Variants in DNLZ observed in about 807,000 individuals in gnomAD.
The protein encoded by DNLZ is DNL-type zinc finger.
A neutral mutation model predicts 7.8 loss-of-function variants in DNLZ; 15 were observed. The ratio of observed to expected loss-of-function variants is 1.91; its 90% CI spans 1.28 to 2.95. The LOEUF (loss-of-function observed/expected upper bound fraction) is 2.95, where lower values mean the gene tolerates loss of function less well. Ranked by LOEUF, DNLZ falls within the 30% of genes most tolerant of loss-of-function variation. DNLZ has a pLI of 0.00. For missense variants in DNLZ, 255 were observed against 167.3 expected (o/e 1.52, Z -2.89); for synonymous variants, 123 against 77.8 (o/e 1.58, Z -3.05).
chr9:136,362,697 G>T (rs1335644033), intron 2 of DNLZ, among the ~76,000 whole-genome samples: 1 of 152,242 alleles, frequency 6.6e-6, no homozygotes, highest in Non-Finnish European at 1.5e-5. Flanking sequence ...CCACGCTAGA[G>T]AGGGACAAGG....
At position 136,360,712 on chromosome 9, in the gene DNLZ, G is replaced by C. The variant is rs1325910988; in HGVS notation, c.*1300C>G. On this transcript the variant is annotated 3_prime_UTR_variant, in exon 3 of 3. Coordinates refer to ENST00000371738, the MANE Select transcript of DNLZ (RefSeq NM_001080849.3). ...CCTGGGCCCAGAGGTGCTGGCATCA[G>C]ACAGAAAAGACATGGTAACGTCCAC... 6.6e-6 allele frequency: 1 copy of C among 152,168 alleles called. No individual in the cohort carries two copies. The highest frequency in any genetic ancestry group is 1.9e-4 in the East Asian group (1 of 5,188). 9.4% of individuals were successfully genotyped at this position (152,168 alleles called of 1,614,324 possible).
At chr9:136,362,695 G>C (rs10870201) in intron 2 of DNLZ, among the ~76,000 whole-genome samples, 64,190 of 152,158 alleles carry the variant, frequency 0.42, 14,072 homozygotes, top group Admixed American at 0.5. Flanking sequence ...TTCCACGCTA[G>C]AGAGGGACAA....
rs1832991117 is a variant in DNLZ at position 136,362,140 on chromosome 9, G to A, written c.409C>T (p.His137Tyr). 7.3e-6 allele frequency: 11 copies of A among 1,504,422 alleles called. No individual in the cohort carries two copies. The highest frequency in any genetic ancestry group is 9.7e-6 in the Non-Finnish European group (11 of 1,130,886). 93.2% of individuals were successfully genotyped at this position (1,504,422 alleles called of 1,614,324 possible). ...AGGGCCCCCTCGCCCGCCACACGGT[G>A]CACCTGCTCGCCTCTGGCCGTCAGG... ...EILTARGEQV[H>Y]RVAGEGALEL... Residue 137 changes from histidine (H) to tyrosine (Y), a missense_variant, in exon 3 of 3, where the codon CAC becomes TAC. Physicochemically the swap from His to Tyr is moderately conservative, Grantham distance 83. Transcript: ENST00000371738.
In DNLZ at chr9:136,363,480, C is replaced by T; in HGVS notation, c.228+7G>A. 1 of 761,790 alleles carries T rather than the reference C, an allele frequency of 1.3e-6. No homozygotes were observed. Among genetic ancestry groups the T allele is most frequent in the South Asian group, 1.3e-5 (1 of 74,392 alleles). The allele number at this position is 761,790 out of a possible 1,614,324, so 47.2% of individuals were successfully genotyped here. A position where few individuals can be genotyped will look rare whatever the true frequency, so the allele number is the denominator to read the frequency against. ...CTGTCCCCGGTTCCGTCCCGCCGCG[C>T]GCCTACCTTGCAGGTGTAGACGAGC... On this transcript the variant is annotated splice_region_variant and intron_variant, in intron 1 of 2. Transcript: ENST00000371738.
At position 136,361,818 on chromosome 9, in the gene DNLZ, G is replaced by A; in HGVS notation, c.*194C>T. 1 of 420,038 alleles carries A rather than the reference G, an allele frequency of 2.4e-6. No homozygotes were observed. The highest frequency in any genetic ancestry group is 4.1e-6 in the Non-Finnish European group (1 of 246,238). 26.0% of individuals were successfully genotyped at this position (420,038 alleles called of 1,614,324 possible). On this transcript the variant is annotated 3_prime_UTR_variant, in exon 3 of 3. Coordinates refer to ENST00000371738, the MANE Select transcript of DNLZ (RefSeq NM_001080849.3). ...AGGCGAGAGGTCCTGCGGCTCCTAT[G>A]TCCCACCCAGCAGCACCAGGGATTC... is the stretch of plus-strand genomic sequence containing the variant.
Position 136,361,851 on chromosome 9 carries a change from T to A in DNLZ, c.*161A>T, listed in dbSNP as rs1244106614. The stretch of plus-strand genomic sequence containing the variant: ...CAGCAGCACCAGGGATTCAGAGCAA[T>A]CGTTCTAACTCCAGAAAAAGAAAGG... On this transcript the variant is annotated 3_prime_UTR_variant, in exon 3 of 3. Transcript: ENST00000371738. The A allele has an allele frequency of 4.1e-6, 2 of 488,000 alleles. No individual in the cohort carries two copies. Among genetic ancestry groups the A allele is most frequent in the Non-Finnish European group, 6.5e-6 (2 of 307,866 alleles). The allele number at this position is 488,000 out of a possible 1,614,324, so 30.2% of individuals were successfully genotyped here. A position where few individuals can be genotyped will look rare whatever the true frequency, so the allele number is the denominator to read the frequency against.
intron 1 of DNLZ, 62 bp downstream of exon 1, chr9:136,363,425 C>G (rs1833022135): frequency 3.9e-6 from 3 of 760,946 alleles, no homozygotes; most frequent in Admixed American, 3.4e-5. Context: ...GCCGCTTCTC[C>G]CCGCAGGCCG....
At position 136,361,958 on chromosome 9, in the gene DNLZ, G is replaced by A. The variant is rs1296726522; in HGVS notation, c.*54C>T. The A allele has an allele frequency of 6.5e-6, 8 of 1,239,720 alleles. No individual in the cohort carries two copies. Among genetic ancestry groups the A allele is most frequent in the Non-Finnish European group, 8.2e-6 (8 of 980,648 alleles). 76.8% of individuals were successfully genotyped at this position (1,239,720 alleles called of 1,614,324 possible). On this transcript the variant is annotated 3_prime_UTR_variant, in exon 3 of 3. Coordinates refer to ENST00000371738, the MANE Select transcript of DNLZ (RefSeq NM_001080849.3). ...CAGGCCACGTCCAGAGAGGCCCAGG[G>A]CCAAAACCTCCTTCTGGAAGGCCGA...
Position 136,362,018 on chromosome 9 carries a change from C to A in DNLZ, c.531G>T (p.Pro177=). 7.6e-7 allele frequency: 1 copy of A among 1,317,614 alleles called. No homozygotes were observed. Among genetic ancestry groups the A allele is most frequent in the Non-Finnish European group, 9.8e-7 (1 of 1,024,220 alleles). 81.6% of individuals were successfully genotyped at this position (1,317,614 alleles called of 1,614,324 possible). A position where few individuals can be genotyped will look rare whatever the true frequency, so the allele number is the denominator to read the frequency against. ...GTGCCGGGGAGCGCAGGAGTCAGCT[C>A]GGCTCCGTCTTGCCAGGGCTGGGGG... The part of the protein sequence containing the change: ...EGPPSPGKTE[P]S The change falls in exon 3 of 3, where the codon CCG becomes CCT. Residue 177 remains proline (P), a synonymous_variant. Coordinates refer to ENST00000371738, the MANE Select transcript of DNLZ (RefSeq NM_001080849.3).
Position 136,362,008 on chromosome 9 carries a change from G to A in DNLZ, c.*4C>T. 2 of 1,304,408 alleles carry A rather than the reference G, an allele frequency of 1.5e-6. No homozygotes were observed. The highest frequency in any genetic ancestry group is 9.8e-7 in the Non-Finnish European group (1 of 1,017,478). The allele number at this position is 1,304,408 out of a possible 1,614,324, so 80.8% of individuals were successfully genotyped here. ...AAGTCCCACAGTGCCGGGGAGCGCA[G>A]GAGTCAGCTCGGCTCCGTCTTGCCA... On this transcript the variant is annotated 3_prime_UTR_variant, in exon 3 of 3. Coordinates refer to ENST00000371738, the MANE Select transcript of DNLZ (RefSeq NM_001080849.3).
chr9:136,363,457 G>C (rs1207151431), intron 1 of DNLZ, 30 bp downstream of exon 1: 7 of 762,316 alleles, frequency 9.2e-6, no homozygotes, highest in South Asian at 8.1e-5. Context: ...ATACGGGTCT[G>C]TCCCCGGTTC....
chr9:136,363,438 T>C (rs769655630), intron 1 of DNLZ, 49 bp downstream of exon 1: 60 of 761,072 alleles, frequency 7.9e-5, no homozygotes, highest in Non-Finnish European at 4.8e-6. Context: ...GCAGGCCGTG[T>C]AGCGTCAGAT....
intron 1 of DNLZ, 37 bp downstream of exon 1, chr9:136,363,450 C>G (rs774831802): frequency 1.3e-6 from 1 of 761,952 alleles, no homozygotes; most frequent in Admixed American, 1.7e-5. Flanking sequence ...GCGTCAGATA[C>G]GGGTCTGTCC....
rs1341303444 is a variant in DNLZ, at chr9:136,361,916, T to C, written c.*96A>G. ...GGCCCCAGCATCTGGAAGTAATGTCTGTTTATTGATAGAAAACAGGCCACG... is the reference window on the plus strand; with the variant it reads ...GGCCCCAGCATCTGGAAGTAATGTCCGTTTATTGATAGAAAACAGGCCACG... On this transcript the variant is annotated 3_prime_UTR_variant, in exon 3 of 3. Transcript: ENST00000371738. 5 of 947,582 alleles carry C rather than the reference T, an allele frequency of 5.3e-6. No homozygotes were observed. Among genetic ancestry groups the C allele is most frequent in the Non-Finnish European group, 5.5e-6 (4 of 723,498 alleles). The allele number at this position is 947,582 out of a possible 1,614,324, so 58.7% of individuals were successfully genotyped here.
intron 2 of DNLZ, 76 bp from the exon 3 acceptor site, chr9:136,362,256 A>C: frequency 2.3e-6 from 3 of 1,312,982 alleles, no homozygotes; most frequent in Non-Finnish European, 3.0e-6. Context: ...AGGGCGCCCC[A>C]TGGCCAGGCC....
Position 136,361,711 on chromosome 9 carries a change from C to A in DNLZ, c.*301G>T. ...CAGCGACAGCCAGGAAGGGCTCTGA[C>A]GCCACATCCAGCCCCCTTTCCACGC... On this transcript the variant is annotated 3_prime_UTR_variant, in exon 3 of 3. Coordinates refer to ENST00000371738, the MANE Select transcript of DNLZ (RefSeq NM_001080849.3). 3.2e-6 allele frequency: 1 copy of A among 313,138 alleles called. No homozygotes were observed. Among genetic ancestry groups the A allele is most frequent in the Non-Finnish European group, 5.8e-6 (1 of 172,254 alleles). 19.4% of individuals were successfully genotyped at this position (313,138 alleles called of 1,614,324 possible). A position where few individuals can be genotyped will look rare whatever the true frequency, so the allele number is the denominator to read the frequency against.
At position 136,360,019 on chromosome 9, in the gene DNLZ, G is replaced by A. The variant is rs949354504; in HGVS notation, c.*1993C>T. 1.3e-5 allele frequency: 2 copies of A among 152,252 alleles called. No homozygotes were observed. Among genetic ancestry groups the A allele is most frequent in the Non-Finnish European group, 1.5e-5 (1 of 68,054 alleles). 9.4% of individuals were successfully genotyped at this position (152,252 alleles called of 1,614,324 possible). On this transcript the variant is annotated 3_prime_UTR_variant, in exon 3 of 3. Transcript: ENST00000371738. ...GGTCTGGACACTGAGCCACAGTGGA[G>A]GAGCCGACGGCAGATCTGCAGTCTT...
chr9:136,363,021 G>C lies in DNLZ; in HGVS notation c.336C>G (p.Asn112Lys). The C allele has an allele frequency of 6.2e-7, 1 of 1,613,830 alleles. No individual in the cohort carries two copies. Among genetic ancestry groups the C allele is most frequent in the Non-Finnish European group, 8.5e-7 (1 of 1,179,984 alleles). ...GCQNHHIIAD[N>K]LGWFSDLNGK... is the part of the protein sequence containing the mutation. Reference sequence around the variant, plus strand: ...CATTCAGGTCCGAGAACCAGCCCAGGTTGTCAGCGATGATATGGTGGTTCT... The same window carrying C: ...CATTCAGGTCCGAGAACCAGCCCAGCTTGTCAGCGATGATATGGTGGTTCT... Residue 112 changes from asparagine (N) to lysine (K), a missense_variant, in exon 2 of 3, where the codon AAC becomes AAG. Transcript: ENST00000371738.
At chr9:136,362,203 G>A (rs1338934908) in intron 2 of DNLZ, 23 bp from the exon 3 acceptor site, 4 of 1,461,262 alleles carry the variant, frequency 2.7e-6, no homozygotes, top group Non-Finnish European at 3.6e-6. Context: ...GAGGCAACAT[G>A]GCTCTTCAGG....
Sources: gnomAD v4.1 joint callset for allele counts (sites outside exome capture counted in the v4.1 genomes callset) on GRCh38, gnomAD v4.1.1 for gene constraint, MANE v1.5 for transcripts, NCBI Gene and HGNC (gene_info 2026-07-23, HGNC 2026-07-21) for gene names.